The following CNGB1 variants were observed in gnomAD, a reference collection of about 807,000 sequenced individuals.
The protein encoded by CNGB1 is cyclic nucleotide-gated channel beta-1.
Under a neutral mutation model 151.7 loss-of-function variants are expected in CNGB1, and 126 were observed. The ratio of observed to expected loss-of-function variants is 0.83; its 90% CI spans 0.72 to 0.96. CNGB1 has a LOEUF of 0.96. Ranked by LOEUF, CNGB1 falls within the 40% of genes least tolerant of loss-of-function variation. CNGB1 has a pLI of 0.00. For missense variants in CNGB1, 1,698 were observed against 1,627.0 expected, an observed-to-expected ratio of 1.04 and a Z score of -0.75; for synonymous variants, 623 against 635.1, an observed-to-expected ratio of 0.98 and a Z score of 0.29.
At chr16:57,909,437 G>A (rs2149360977) in intron 25 of CNGB1, among the ~76,000 whole-genome samples, 1 of 152,290 alleles carries the variant, frequency 6.6e-6, no homozygotes, top group South Asian at 2.1e-4. Context: ...CCAGGCTGGA[G>A]TACAGTGGCG....
chr16:57,901,726 T>C, intron 27 of CNGB1, 101 bp from the exon 28 acceptor site: 4 of 904,962 alleles, frequency 4.4e-6, no homozygotes, highest in Non-Finnish European at 7.1e-6. Context: ...GGGCACACCA[T>C]TGCCCTGCCG....
Position 57,964,258 on chromosome 16 carries a change from C to T in CNGB1, c.218-56G>A. The stretch of plus-strand genomic sequence containing the variant: ...AGGGCCTCAGACAGGCCCATTTCTA[C>T]CCTGCTTGGGGAGATCAAGTCAGGG... On this transcript the variant is annotated intron_variant, in intron 3 of 32. Coordinates refer to ENST00000251102, the MANE Select transcript of CNGB1 (RefSeq NM_001297.5). 2.5e-6 allele frequency: 4 copies of T among 1,576,888 alleles called. No homozygotes were observed. In the South Asian group the frequency reaches 4.4e-5, roughly 18 times the overall value.
At chr16:57,897,318 A>AAT in intron 31 of CNGB1, 79 bp downstream of exon 31, 6 of 1,336,902 alleles carry the variant, frequency 4.5e-6, no homozygotes, top group Non-Finnish European at 5.2e-6. Context: ...AAAAAAAAAA[A>AAT]GATAAAGGTA....
chr16:57,954,101 C>T (rs1405965056), intron 12 of CNGB1, among the ~76,000 whole-genome samples: 1 of 152,194 alleles, frequency 6.6e-6, no homozygotes, highest in East Asian at 1.9e-4. Flanking sequence ...CCATTGCCTA[C>T]AGCTTAGTTT....
intron 12 of CNGB1, chr16:57,955,475 C>T (rs759467476): frequency 1.1e-6 from 1 of 935,960 alleles, no homozygotes; most frequent in Non-Finnish European, 1.7e-6. Context: ...GTAAGGGACA[C>T]ATATCCCCCA....
At chr16:57,970,707 C>T (rs556135825) in intron 1 of CNGB1, among the ~76,000 whole-genome samples, 14 of 152,188 alleles carry the variant, frequency 9.2e-5, no homozygotes, top group South Asian at 8.3e-4. Context: ...CATCTTTCAC[C>T]CGTGTCCCTG....
At chr16:57,943,951 G>C (rs552947432) in intron 14 of CNGB1, among the ~76,000 whole-genome samples, 4 of 151,630 alleles carry the variant, frequency 2.6e-5, no homozygotes, top group African/African-American at 4.8e-5. Flanking sequence ...GCAATGACGC[G>C]ATCTCAGCTC....
chr16:57,901,822 T>G (rs186633442), intron 27 of CNGB1, among the ~76,000 whole-genome samples, 197 bp from the exon 28 acceptor site: 29 of 152,350 alleles, frequency 1.9e-4, no homozygotes, highest in Non-Finnish European at 5.9e-5. Flanking sequence ...AGCACCCCTG[T>G]GCATTTCCCA....
At chr16:57,960,800 C>T (rs1463747224) in intron 8 of CNGB1, 40 bp downstream of exon 8, 1 of 1,599,710 alleles carries the variant, frequency 6.3e-7, no homozygotes. Flanking sequence ...AGAAGCCCCC[C>T]CATATACTCA....
At chr16:57,887,657 C>T (rs1567360883) in intron 32 of CNGB1, among the ~76,000 whole-genome samples, 198 bp downstream of exon 32, 1 of 152,184 alleles carries the variant, frequency 6.6e-6, no homozygotes, top group South Asian at 2.1e-4. Context: ...TTTTCGATTA[C>T]GTGACCCCTA....
At chr16:57,918,165 A>T (rs770581555) in intron 20 of CNGB1, among the ~76,000 whole-genome samples, 9 of 151,486 alleles carry the variant, frequency 5.9e-5, no homozygotes, top group Non-Finnish European at 1.2e-4. Flanking sequence ...TGTAGAGATG[A>T]GGTCTCACTA....
chr16:57,934,300 C>T (rs1961444152), intron 16 of CNGB1, among the ~76,000 whole-genome samples: 1 of 151,970 alleles, frequency 6.6e-6, no homozygotes, highest in Non-Finnish European at 1.5e-5. Flanking sequence ...ATTCAAAAAT[C>T]GGCTGGTCAC....
intron 20 of CNGB1, among the ~76,000 whole-genome samples, chr16:57,918,395 C>G (rs1197882044): frequency 2.6e-5 from 4 of 152,162 alleles, no homozygotes; most frequent in African/African-American, 9.7e-5. Context: ...AGGAAAAGGT[C>G]AGATAAGAAA....
rs1764569266 is a variant in CNGB1, at chr16:57,943,235, CATT to C, written c.1122-2917_1122-2915del. 2.0e-5 allele frequency among the ~76,000 whole-genome samples: 3 copies of C among 152,174 alleles called. No individual in the cohort carries two copies. The South Asian group carries it at 6.2e-4, about 32-fold the overall frequency. On this transcript the variant is annotated intron_variant, in intron 14 of 32. Coordinates refer to ENST00000251102, the MANE Select transcript of CNGB1 (RefSeq NM_001297.5). ...AAAATGGGCAAAGAATCTGAATAGA[CATT>C]CCTCGGTGTCTCAAAAGATGACATA...
chr16:57,960,097 G>T, intron 9 of CNGB1, 32 bp from the exon 10 acceptor site: 1 of 1,537,692 alleles, frequency 6.5e-7, no homozygotes, highest in Non-Finnish European at 8.7e-7. Context: ...AGCTAGAGAC[G>T]CCATCCCTTG....
At chr16:57,921,951 G>C (rs1161185242) in intron 18 of CNGB1, among the ~76,000 whole-genome samples, 1 of 152,120 alleles carries the variant, frequency 6.6e-6, no homozygotes, top group Admixed American at 6.6e-5. Context: ...GCTAATACAT[G>C]GGTCTCCAAG....
At chr16:57,922,346 G>A (rs1961059565) in intron 18 of CNGB1, among the ~76,000 whole-genome samples, 1 of 151,970 alleles carries the variant, frequency 6.6e-6, no homozygotes, top group Admixed American at 6.6e-5. Context: ...CCTCCCACTG[G>A]CCCAGCCCTG....
At chr16:57,899,936 A>G (rs1960342348) in intron 29 of CNGB1, among the ~76,000 whole-genome samples, 1 of 152,206 alleles carries the variant, frequency 6.6e-6, no homozygotes, top group Admixed American at 6.5e-5. Context: ...CCAAGTGCTC[A>G]ATTTAATTTG....
intron 25 of CNGB1, among the ~76,000 whole-genome samples, chr16:57,907,455 G>A (rs959449193): frequency 3.9e-5 from 6 of 152,216 alleles, no homozygotes; most frequent in African/African-American, 4.8e-5. Context: ...TGCCATGCTG[G>A]CTTCCCCCTA....
Sources: allele counts gnomAD v4.1 joint callset (sites outside exome capture counted in the v4.1 genomes callset), GRCh38; gene constraint gnomAD v4.1.1; transcripts MANE v1.5; gene names NCBI Gene and HGNC (gene_info 2026-07-23, HGNC 2026-07-21).